TRHDE: variants seen among roughly 807,000 people sequenced by gnomAD.
The protein encoded by TRHDE is thyrotropin releasing hormone degrading enzyme.
TRHDE carries 72 observed loss-of-function variants against 125.7 expected under a neutral mutation model. That is an observed-to-expected ratio of 0.57 (90% confidence interval 0.47 to 0.70). The LOEUF is 0.70. Among genes scored for constraint, TRHDE ranks in the 30% least tolerant of loss-of-function variants. TRHDE has a pLI of 0.00. For synonymous variants in TRHDE, 509 were observed against 509.1 expected (o/e 1.00, Z 0.00); for missense variants, 1,110 against 1,327.1 (o/e 0.84, Z 2.54).
chr12:72,283,364 A>G (rs1428295161), intron 1 of TRHDE, among the ~76,000 whole-genome samples: 1 of 152,318 alleles, frequency 6.6e-6, no homozygotes, highest in Non-Finnish European at 1.5e-5. Flanking sequence ...ATCTAGTCCA[A>G]CTGCTCTTCT....
chr12:72,587,986 A>G (rs1323854221), intron 12 of TRHDE, among the ~76,000 whole-genome samples: 1 of 152,162 alleles, frequency 6.6e-6, no homozygotes, highest in Non-Finnish European at 1.5e-5. Context: ...CAAACAAGTC[A>G]GTTTCTGAAG....
At chr12:72,346,025 T>A (rs935588200) in intron 2 of TRHDE, among the ~76,000 whole-genome samples, 26 of 79,692 alleles carry the variant, frequency 3.3e-4, no homozygotes, top group Non-Finnish European at 1.3e-4. Context: ...GAATGTATCA[T>A]GGAATGATAT....
At chr12:72,324,672 T>G (rs1869256105) in intron 2 of TRHDE, among the ~76,000 whole-genome samples, 1 of 151,944 alleles carries the variant, frequency 6.6e-6, no homozygotes, top group Admixed American at 6.6e-5. Context: ...GAAATTAGAG[T>G]CAGGAAATGG....
At chr12:72,098,347 A>G (rs1874985521) in intron 1 of TRHDE, among the ~76,000 whole-genome samples, 1 of 152,154 alleles carries the variant, frequency 6.6e-6, no homozygotes, top group Non-Finnish European at 1.5e-5. Flanking sequence ...GCAAAACTCT[A>G]GTATAATATC....
At chr12:72,258,200 A>G (rs1317117017) in intron 2 of TRHDE, 1 of 152,214 alleles carries the variant, frequency 6.6e-6, no homozygotes, top group African/African-American at 2.4e-5. Flanking sequence ...AAGGAAGGTA[A>G]GAAGAAAAGG....
At chr12:72,568,754 C>A in intron 10 of TRHDE, 98 bp downstream of exon 10, 1 of 705,314 alleles carries the variant, frequency 1.4e-6, no homozygotes, top group South Asian at 2.3e-5. Context: ...TGAATAAAGA[C>A]AAATTAGAAA....
At chr12:72,141,229 C>T (rs1211955579) in intron 2 of TRHDE, among the ~76,000 whole-genome samples, 1 of 152,034 alleles carries the variant, frequency 6.6e-6, no homozygotes, top group African/African-American at 2.4e-5. Context: ...TTTTTTTCCC[C>T]CTGACTACTC....
intron 12 of TRHDE, 113 bp from the exon 13 acceptor site, chr12:72,618,778 C>G: frequency 4.8e-6 from 4 of 828,202 alleles, no homozygotes; most frequent in Non-Finnish European, 7.1e-6. Context: ...TCTTATAACA[C>G]TGAATATGCT....
intron 2 of TRHDE, among the ~76,000 whole-genome samples, chr12:72,195,832 T>C (rs1362784156): frequency 1.3e-5 from 2 of 152,174 alleles, no homozygotes; most frequent in African/African-American, 4.8e-5. Flanking sequence ...TCCTGGGTTT[T>C]CTTCTAGGAT....
At chr12:72,593,294 G>A (rs553432176) in intron 12 of TRHDE, among the ~76,000 whole-genome samples, 59 of 152,254 alleles carry the variant, frequency 3.9e-4, no homozygotes, top group Non-Finnish European at 6.8e-4. Flanking sequence ...AGTGTCTAAG[G>A]TTCAGAAAGG....
intron 1 of TRHDE, among the ~76,000 whole-genome samples, chr12:72,091,656 C>T (rs1874793240): frequency 6.6e-6 from 1 of 152,092 alleles, no homozygotes; most frequent in East Asian, 1.9e-4. Flanking sequence ...ACTCAGTATA[C>T]CACTGGGGGC....
chr12:72,631,996 T>C (rs1873516465), intron 15 of TRHDE, among the ~76,000 whole-genome samples: 1 of 151,952 alleles, frequency 6.6e-6, no homozygotes, highest in Non-Finnish European at 1.5e-5. Context: ...TAAATCTGTG[T>C]AATTTTTCAA....
chr12:72,173,786 C>T (rs528025043), intron 2 of TRHDE, among the ~76,000 whole-genome samples: 273 of 152,232 alleles, frequency 1.8e-3, no homozygotes, highest in African/African-American at 3.4e-3. Flanking sequence ...GCTCTGCGCG[C>T]GCACACACAC....
intron 2 of TRHDE, among the ~76,000 whole-genome samples, chr12:72,111,035 C>A (rs1272701591): frequency 6.6e-6 from 1 of 152,064 alleles, no homozygotes; most frequent in Admixed American, 6.6e-5. Context: ...GGTAATTGAC[C>A]AAGTCAACTT....
At chr12:72,251,033 C>T (rs947097566) in intron 2 of TRHDE, among the ~76,000 whole-genome samples, 1 of 151,700 alleles carries the variant, frequency 6.6e-6, no homozygotes, top group Non-Finnish European at 1.5e-5. Context: ...GTATATCCAT[C>T]ACCCAGTTTC....
At chr12:72,441,395 C>T (rs1477426522) in intron 3 of TRHDE, among the ~76,000 whole-genome samples, 1 of 151,970 alleles carries the variant, frequency 6.6e-6, no homozygotes, top group East Asian at 1.9e-4. Context: ...GCTCTTCCTA[C>T]CTCCATGATG....
intron 3 of TRHDE, among the ~76,000 whole-genome samples, chr12:72,461,589 A>G (rs1403668955): frequency 6.6e-6 from 1 of 151,816 alleles, no homozygotes; most frequent in African/African-American, 2.4e-5. Context: ...TTGAGCAACA[A>G]CCAGTCATGG....
At chr12:72,208,677 A>G (rs141606400) in intron 2 of TRHDE, among the ~76,000 whole-genome samples, 1,722 of 152,296 alleles carry the variant, frequency 0.011, 10 homozygotes, top group Non-Finnish European at 0.018. Flanking sequence ...GTTTTAGTGA[A>G]GATTAAATTA....
At chr12:72,567,143 T>G (rs1476295853) in intron 9 of TRHDE, among the ~76,000 whole-genome samples, 7 of 145,074 alleles carry the variant, frequency 4.8e-5, no homozygotes, top group African/African-American at 1.4e-4. Context: ...AAACCTATAT[T>G]GAAAGCTTGG....
Sources: gnomAD v4.1 joint callset for allele counts (sites outside exome capture counted in the v4.1 genomes callset) on GRCh38, gnomAD v4.1.1 for gene constraint, MANE v1.5 for transcripts, NCBI Gene and HGNC (gene_info 2026-07-23, HGNC 2026-07-21) for gene names.